The following SEPTIN11 variants were observed in gnomAD, a reference collection of about 807,000 sequenced individuals.
SEPTIN11 encodes septin-11.
SEPTIN11 carries 25 observed loss-of-function variants against 51.4 expected under a neutral mutation model. That is an observed-to-expected ratio of 0.49 (90% confidence interval 0.35 to 0.68). The LOEUF (loss-of-function observed/expected upper bound fraction) is 0.68, where lower values mean the gene tolerates loss of function less well. Among genes scored for constraint, SEPTIN11 ranks in the 30% least tolerant of loss-of-function variants. The pLI is 0.00. For missense variants in SEPTIN11, 381 were observed against 520.8 expected (o/e 0.73, Z 2.61); for synonymous variants, 174 against 184.1 (o/e 0.95, Z 0.44).
chr4:76,972,768 G>A (rs1722303106), intron 1 of SEPTIN11, among the ~76,000 whole-genome samples: 1 of 152,110 alleles, frequency 6.6e-6, no homozygotes, highest in African/African-American at 2.4e-5. Context: ...CTGATTTATA[G>A]ATTAAAATTC....
chr4:76,950,281 C>T (rs1721272688), intron 1 of SEPTIN11, among the ~76,000 whole-genome samples: 1 of 152,210 alleles, frequency 6.6e-6, no homozygotes, highest in South Asian at 2.1e-4. Context: ...AGAAGGGCGC[C>T]GGGTTCGGGG....
intron 1 of SEPTIN11, among the ~76,000 whole-genome samples, chr4:76,988,167 C>A (rs1723144468): frequency 6.6e-6 from 1 of 152,206 alleles, no homozygotes; most frequent in African/African-American, 2.4e-5. Flanking sequence ...TGGACTAATA[C>A]ATATTTTTAC....
intron 8 of SEPTIN11, among the ~76,000 whole-genome samples, chr4:77,030,038 C>T (rs1018681918): frequency 6.6e-6 from 1 of 151,918 alleles, no homozygotes; most frequent in Non-Finnish European, 1.5e-5. Context: ...GTGGGAGGAT[C>T]ACGAGGTCAG....
chr4:77,034,652 C>A lies in SEPTIN11; in HGVS notation c.*140C>A. 1 of 1,328,966 alleles carries A rather than the reference C, an allele frequency of 7.5e-7. No homozygotes were observed. Among genetic ancestry groups the A allele is most frequent in the South Asian group, 2.3e-5 (1 of 42,920 alleles). The allele number at this position is 1,328,966 out of a possible 1,614,324, so 82.3% of individuals were successfully genotyped here. On this transcript the variant is annotated 3_prime_UTR_variant, in exon 10 of 10. Transcript: ENST00000264893. The stretch of plus-strand genomic sequence containing the variant: ...CAAACACCAGTAACTATTATTAACT[C>A]GTTTTGCTGAATGTTGTTGGGTGGT...
intron 4 of SEPTIN11, among the ~76,000 whole-genome samples, chr4:77,014,202 A>C (rs1560733809): frequency 6.6e-6 from 1 of 152,204 alleles, no homozygotes; most frequent in African/African-American, 2.4e-5. Context: ...TTTCAAAAGA[A>C]TTAGTTGGTG....
chr4:77,016,611 T>TACAC (rs535121576), intron 5 of SEPTIN11, among the ~76,000 whole-genome samples: 4 of 82,884 alleles, frequency 4.8e-5, no homozygotes, highest in South Asian at 3.8e-4. Flanking sequence ...TATATATATA[T>TACAC]ACACATATAT....
intron 1 of SEPTIN11, among the ~76,000 whole-genome samples, chr4:76,981,574 T>C (rs1317774289): frequency 6.6e-6 from 1 of 152,206 alleles, no homozygotes; most frequent in Non-Finnish European, 1.5e-5. Flanking sequence ...GGCAGAAAGT[T>C]GTCTCTGCTA....
In SEPTIN11 at chr4:77,034,661, GA is replaced by G; in HGVS notation, c.*151del. On this transcript the variant is annotated 3_prime_UTR_variant, in exon 10 of 10. Transcript: ENST00000264893. Reference sequence around the variant, plus strand: ...GTAACTATTATTAACTCGTTTTGCTGAATGTTGTTGGGTGGTAGAAAATGAT... The same window carrying G: ...GTAACTATTATTAACTCGTTTTGCTGATGTTGTTGGGTGGTAGAAAATGAT... The G allele has an allele frequency of 7.5e-7, 1 of 1,325,204 alleles. No individual in the cohort carries two copies. The highest frequency in any genetic ancestry group is 9.7e-7 in the Non-Finnish European group (1 of 1,036,136). The allele number at this position is 1,325,204 out of a possible 1,614,324, so 82.1% of individuals were successfully genotyped here. A position where few individuals can be genotyped will look rare whatever the true frequency, so the allele number is the denominator to read the frequency against.
rs553880041 is a variant in SEPTIN11 at position 77,035,923 on chromosome 4, G to A, written c.*1411G>A. The A allele has an allele frequency of 4.1e-6, 4 of 985,710 alleles. No homozygotes were observed. The highest frequency in any genetic ancestry group is 4.8e-6 in the Non-Finnish European group (4 of 829,950). The allele number at this position is 985,710 out of a possible 1,614,324, so 61.1% of individuals were successfully genotyped here. ...CAGCTTTCTCTCTACATGTAGAAAGGATAACATTTCTCATGAACCCACTGC... is the reference window on the plus strand; with the variant it reads ...CAGCTTTCTCTCTACATGTAGAAAGAATAACATTTCTCATGAACCCACTGC... On this transcript the variant is annotated 3_prime_UTR_variant, in exon 10 of 10. Transcript: ENST00000264893.
chr4:76,995,882 A>G (rs1723680310), intron 1 of SEPTIN11: 1 of 1,535,614 alleles, frequency 6.5e-7, no homozygotes, highest in South Asian at 1.2e-5. Flanking sequence ...TGTAAAACTA[A>G]TGGAGGAGAG....
chr4:76,975,253 G>A (rs992637133), intron 1 of SEPTIN11, among the ~76,000 whole-genome samples: 2 of 151,826 alleles, frequency 1.3e-5, no homozygotes, highest in East Asian at 3.9e-4. Context: ...AATGCCTTGC[G>A]GACAACATAG....
intron 1 of SEPTIN11, among the ~76,000 whole-genome samples, chr4:76,989,600 G>A (rs549067077): frequency 6.6e-6 from 1 of 152,326 alleles, no homozygotes; most frequent in East Asian, 1.9e-4. Flanking sequence ...AATTTCAGTA[G>A]ACCCAGGGCT....
chr4:76,960,752 C>T (rs1721795024), intron 1 of SEPTIN11, among the ~76,000 whole-genome samples: 1 of 152,136 alleles, frequency 6.6e-6, no homozygotes, highest in South Asian at 2.1e-4. Flanking sequence ...AATATTGAGC[C>T]CCAGCTAACA....
intron 1 of SEPTIN11, among the ~76,000 whole-genome samples, chr4:76,990,591 G>C (rs796797001): frequency 2.6e-5 from 4 of 152,294 alleles, no homozygotes; most frequent in African/African-American, 9.6e-5. Flanking sequence ...GTTGTGAACT[G>C]TGCATGGGAG....
At chr4:76,995,158 C>A (rs927785194) in intron 1 of SEPTIN11, among the ~76,000 whole-genome samples, 1 of 149,662 alleles carries the variant, frequency 6.7e-6, no homozygotes, top group Non-Finnish European at 1.5e-5. Context: ...CCGACGCGGG[C>A]AGATCACGAG....
chr4:77,017,420 C>T, intron 5 of SEPTIN11, among the ~76,000 whole-genome samples: 1 of 152,160 alleles, frequency 6.6e-6, no homozygotes, highest in East Asian at 1.9e-4. Context: ...GCTTTTGTTA[C>T]ATTTGAGTGG....
Position 77,036,419 on chromosome 4 carries a change from C to T in SEPTIN11, c.*1907C>T. On this transcript the variant is annotated 3_prime_UTR_variant, in exon 10 of 10. Transcript: ENST00000264893. ...TGAATATTTGTGTTGTATGCTTGTTCCAACCACCGCTTGTGTGAGCATTTT... is the reference window on the plus strand; with the variant it reads ...TGAATATTTGTGTTGTATGCTTGTTTCAACCACCGCTTGTGTGAGCATTTT... 4 of 1,145,424 alleles carry T rather than the reference C, an allele frequency of 3.5e-6. No homozygotes were observed. The highest frequency in any genetic ancestry group is 4.3e-6 in the Non-Finnish European group (4 of 927,798). 71.0% of individuals were successfully genotyped at this position (1,145,424 alleles called of 1,614,324 possible).
At chr4:76,965,450 CAAA>C (rs56828579) in intron 1 of SEPTIN11, among the ~76,000 whole-genome samples, 7 of 77,284 alleles carry the variant, frequency 9.1e-5, no homozygotes, top group Non-Finnish European at 8.1e-5. Flanking sequence ...GACTCCATTT[CAAA>C]AAAAAAAAAA....
chr4:76,974,357 C>T (rs1289691772), intron 1 of SEPTIN11: 1 of 161,348 alleles, frequency 6.2e-6, no homozygotes, highest in Non-Finnish European at 1.4e-5. Context: ...AATCCCTGTA[C>T]CGGATGCTGG....
Sources: allele counts gnomAD v4.1 joint callset (sites outside exome capture counted in the v4.1 genomes callset), GRCh38; gene constraint gnomAD v4.1.1; transcripts MANE v1.5; gene names NCBI Gene and HGNC (gene_info 2026-07-23, HGNC 2026-07-21).